SNRNP200: variants seen among roughly 807,000 people sequenced by gnomAD.
SNRNP200 encodes U5 small nuclear ribonucleoprotein 200 kDa helicase.
Under a neutral mutation model 255.2 loss-of-function variants are expected in SNRNP200, and 66 were observed. That is an observed-to-expected ratio of 0.26 (90% CI 0.21 to 0.32). The LOEUF is 0.32. Ranked by LOEUF, SNRNP200 falls within the 10% of genes least tolerant of loss-of-function variation. The probability of loss-of-function intolerance (pLI) is 1.00; values close to 1 mark genes in which losing one functional copy is unlikely to be tolerated. For synonymous variants in SNRNP200, 939 were observed against 1,027.8 expected, an observed-to-expected ratio of 0.91 and a Z score of 1.65; for missense variants, 1,585 against 2,749.8, an observed-to-expected ratio of 0.58 and a Z score of 9.47.
At chr2:96,284,783 C>T in intron 30 of SNRNP200, 198 bp from the exon 31 acceptor site, 1 of 588,822 alleles carries the variant, frequency 1.7e-6, no homozygotes, top group South Asian at 2.0e-5. Context: ...AAGTCTCGCT[C>T]TTGTTGCCCA....
rs143692282 is a variant in SNRNP200, at chr2:96,282,129, C to T, written c.4916-207G>A. 8.1e-5 allele frequency: 45 copies of T among 553,106 alleles called. No homozygotes were observed. In the East Asian group the frequency reaches 1.2e-3, roughly 15 times the overall value. The allele number at this position is 553,106 out of a possible 1,614,324, so 34.3% of individuals were successfully genotyped here. ...GCTGGTGCCTTGCTCTGGGACTATC[C>T]AGGAGAAAACAAGTCATCATAGAAC... is the stretch of plus-strand genomic sequence containing the variant. On this transcript the variant is annotated intron_variant, in intron 34 of 44. Transcript: ENST00000323853.
intron 14 of SNRNP200, 96 bp from the exon 15 acceptor site, chr2:96,293,605 G>T: frequency 8.5e-7 from 1 of 1,176,296 alleles, no homozygotes; most frequent in Non-Finnish European, 1.2e-6. Flanking sequence ...AACCTAATAT[G>T]CCTAAGAAAA....
At position 96,291,778 on chromosome 2, in the gene SNRNP200, G is replaced by A. The variant is rs2063885642; in HGVS notation, c.2283C>T (p.Val761=). 1 of 1,614,134 alleles carries A rather than the reference G, an allele frequency of 6.2e-7. No homozygotes were observed. Among genetic ancestry groups the A allele is most frequent in the Middle Eastern group, 1.6e-4 (1 of 6,062 alleles). Residue 761 remains valine (V), a synonymous_variant, in exon 17 of 45, where the codon GTC becomes GTT. Coordinates refer to ENST00000323853, the MANE Select transcript of SNRNP200 (RefSeq NM_014014.5). The surrounding 1 kb of genome is among the most constrained non-coding windows in gnomAD (Gnocchi z 4.2). ...FLREGSASTE[V]LRTEAEQCKN... is the part of the protein sequence containing the mutation. ...TGCACTGCTCAGCTTCTGTTCGCAG[G>A]ACTTCTGTGGAGGCTGAGCCCTCCC...
Position 96,293,408 on chromosome 2 carries a change from G to C in SNRNP200, c.1944C>G (p.Leu648=). 6.2e-7 allele frequency: 1 copy of C among 1,613,922 alleles called. No homozygotes were observed. Among genetic ancestry groups the C allele is most frequent in the Non-Finnish European group, 8.5e-7 (1 of 1,179,988 alleles). ...NIEMTQEDVR[L]IGLSATLPNY... is the part of the protein sequence containing the mutation. ...TGGGTAGGGTGGCACTGAGACCAATGAGTCGGACATCCTCTTGGGTCATCT... is the reference window on the plus strand; with the variant it reads ...TGGGTAGGGTGGCACTGAGACCAATCAGTCGGACATCCTCTTGGGTCATCT... The change falls in exon 15 of 45, where the codon CTC becomes CTG. Residue 648 remains leucine, a synonymous_variant. Coordinates refer to ENST00000323853, the MANE Select transcript of SNRNP200 (RefSeq NM_014014.5).
At position 96,274,485 on chromosome 2, in the gene SNRNP200, G is replaced by A. The variant is rs1684618994; in HGVS notation, c.*527C>T. The A allele has an allele frequency of 5.8e-6, 1 of 171,480 alleles. No individual in the cohort carries two copies. The highest frequency in any genetic ancestry group is 1.3e-5 in the Non-Finnish European group (1 of 78,896). The allele number at this position is 171,480 out of a possible 1,614,324, so 10.6% of individuals were successfully genotyped here. On this transcript the variant is annotated 3_prime_UTR_variant, in exon 45 of 45. Coordinates refer to ENST00000323853, the MANE Select transcript of SNRNP200 (RefSeq NM_014014.5). ...CCTAACCTGTGATCTAGCTTCCGAGGCTCAGTGTTGGTTCTTGTGGTAGTG... is the reference window on the plus strand; with the variant it reads ...CCTAACCTGTGATCTAGCTTCCGAGACTCAGTGTTGGTTCTTGTGGTAGTG...
At position 96,299,491 on chromosome 2, in the gene SNRNP200, C is replaced by T. The variant is rs2063939730; in HGVS notation, c.631-64G>A. ...GATCCTGCATCACCACAGAACCTCT[C>T]CCTCAAGTCACCCTAAATTAGCTCA... is the stretch of plus-strand genomic sequence containing the variant. On this transcript the variant is annotated intron_variant, in intron 5 of 44. Transcript: ENST00000323853. 10 of 1,363,828 alleles carry T rather than the reference C, an allele frequency of 7.3e-6. No individual in the cohort carries two copies. The East Asian group carries it at 2.3e-4, about 31-fold the overall frequency. 84.5% of individuals were successfully genotyped at this position (1,363,828 alleles called of 1,614,324 possible).
Position 96,283,097 on chromosome 2 carries a change from T to C in SNRNP200, c.4915+104A>G. The stretch of plus-strand genomic sequence containing the variant: ...AGAGTCCTAAACAGTATTTTGAAAA[T>C]CTCTGGTATGCTGTAGAGAAAACAC... On this transcript the variant is annotated intron_variant, in intron 34 of 44. Coordinates refer to ENST00000323853, the MANE Select transcript of SNRNP200 (RefSeq NM_014014.5). This position sits in a 1 kb window ranked among gnomAD's most constrained non-coding sequence, Gnocchi z 4.7. The C allele has an allele frequency of 7.0e-7, 1 of 1,431,300 alleles. No individual in the cohort carries two copies. The allele number at this position is 1,431,300 out of a possible 1,614,324, so 88.7% of individuals were successfully genotyped here.
At chr2:96,288,498 AGTGG>A (rs2063857631) in intron 24 of SNRNP200, among the ~76,000 whole-genome samples, 161 bp downstream of exon 24, 2 of 152,184 alleles carry the variant, frequency 1.3e-5, no homozygotes, top group Non-Finnish European at 2.9e-5. Flanking sequence ...TATACTACAG[AGTGG>A]CTGTACCACA....
intron 35 of SNRNP200, 120 bp from the exon 36 acceptor site, chr2:96,279,679 C>T (rs1684727017): frequency 4.3e-6 from 3 of 695,488 alleles, no homozygotes; most frequent in Non-Finnish European, 7.9e-6. Flanking sequence ...ACGGACAAAT[C>T]ACGGGACGAC....
chr2:96,276,297 G>GA (rs962352869), intron 43 of SNRNP200, among the ~76,000 whole-genome samples: 19 of 152,144 alleles, frequency 1.2e-4, no homozygotes, highest in African/African-American at 4.3e-4. Flanking sequence ...GAAAAAAGAA[G>GA]AAACAACCAG....
intron 43 of SNRNP200, 122 bp from the exon 44 acceptor site, chr2:96,275,471 G>T: frequency 1.2e-6 from 1 of 833,106 alleles, no homozygotes. Context: ...GTTTCTTCCC[G>T]AAATACAATT....
rs772567196 is a variant in SNRNP200, at chr2:96,277,499, C to T, written c.5931+40G>A. ...CGCTCGGTCCACAACACTGGGCTCTCAGGCTCACCCACCTGACCCTCTAGG... is the reference window on the plus strand; with the variant it reads ...CGCTCGGTCCACAACACTGGGCTCTTAGGCTCACCCACCTGACCCTCTAGG... On this transcript the variant is annotated intron_variant, in intron 41 of 44. Transcript: ENST00000323853. The surrounding 1 kb of genome is among the most constrained non-coding windows in gnomAD (Gnocchi z 4.4). The T allele has an allele frequency of 1.9e-6, 3 of 1,609,762 alleles. No homozygotes were observed. The highest frequency in any genetic ancestry group is 2.5e-6 in the Non-Finnish European group (3 of 1,177,894).
At chr2:96,285,149 G>A in intron 30 of SNRNP200, 31 bp downstream of exon 30, 1 of 1,612,670 alleles carries the variant, frequency 6.2e-7, no homozygotes, top group African/African-American at 1.3e-5. Flanking sequence ...TGCTTCTTGG[G>A]AAATTCACAT....
intron 34 of SNRNP200, chr2:96,282,609 G>T: frequency 5.1e-6 from 1 of 196,418 alleles, no homozygotes; most frequent in Admixed American, 5.3e-5. Context: ...CTCATGAATG[G>T]TTTAGCACCA....
At position 96,278,849 on chromosome 2, in the gene SNRNP200, G is replaced by T; in HGVS notation, c.5283C>A (p.Tyr1761Ter). The change falls in exon 37 of 45, where the codon TAC (tyrosine) becomes TAA (stop). Residue 1761 changes from tyrosine to a stop codon, truncating the protein, a stop_gained. Transcript: ENST00000323853. LOFTEE classifies it high-confidence loss of function. The surrounding 1 kb of genome is among the most constrained non-coding windows in gnomAD (Gnocchi z 6.9). The stretch of plus-strand genomic sequence containing the variant: ...AATTGGGGTTCTGTGTCATGCGGCG[G>T]TACAGAAAGGTCCAGGTGAGGTAGT... ...AVDYLTWTFL[Y>*]RRMTQNPNYY... 6.2e-7 allele frequency: 1 copy of T among 1,614,200 alleles called. No individual in the cohort carries two copies. The highest frequency in any genetic ancestry group is 8.5e-7 in the Non-Finnish European group (1 of 1,180,042).
intron 14 of SNRNP200, among the ~76,000 whole-genome samples, chr2:96,294,708 T>G (rs967214183): frequency 6.6e-6 from 1 of 152,246 alleles, no homozygotes; most frequent in Non-Finnish European, 1.5e-5. Flanking sequence ...TGGAAGTTTC[T>G]GTGTATATGG....
chr2:96,304,988 A>G, intron 1 of SNRNP200, 120 bp from the exon 2 acceptor site: 1 of 1,121,442 alleles, frequency 8.9e-7, no homozygotes, highest in East Asian at 2.6e-5. Context: ...ACTAATCGTA[A>G]TAAAAATATA....
chr2:96,293,555 T>C (rs1035374051), intron 14 of SNRNP200, 46 bp from the exon 15 acceptor site: 1 of 1,554,824 alleles, frequency 6.4e-7, no homozygotes, highest in Non-Finnish European at 8.9e-7. Flanking sequence ...TAGAGATACA[T>C]AGTCCCTTTT....
chr2:96,275,249 ACACT>A lies in SNRNP200; in HGVS notation c.6267+4_6267+7del. The A allele has an allele frequency of 1.2e-6, 2 of 1,614,094 alleles. No homozygotes were observed. The highest frequency in any genetic ancestry group is 2.2e-5 in the South Asian group (2 of 91,078). ...AGAACAAATGCTAGGGCCAGTGGAC[ACACT>A]CACCTTGGCCTTCTGCTGCAAGGTC... On this transcript the variant is annotated splice_donor_5th_base_variant and intron_variant, in intron 44 of 44. Coordinates refer to ENST00000323853, the MANE Select transcript of SNRNP200 (RefSeq NM_014014.5).
Sources: allele counts gnomAD v4.1 joint callset (sites outside exome capture counted in the v4.1 genomes callset), GRCh38; gene constraint gnomAD v4.1.1; non-coding constraint Gnocchi (gnomAD v3.1); transcripts MANE v1.5; gene names NCBI Gene and HGNC (gene_info 2026-07-23, HGNC 2026-07-21).